Variants in FSTL5 observed in about 807,000 individuals in gnomAD.
FSTL5 encodes the protein follistatin-related protein 5.
In FSTL5, 62 loss-of-function variants were observed where a neutral mutation model predicts 89.1. That is an observed-to-expected ratio of 0.70 (90% confidence interval 0.57 to 0.86). FSTL5 has a LOEUF of 0.86. Ranked by LOEUF, FSTL5 falls within the 40% of genes least tolerant of loss-of-function variation. The pLI is 0.00. For synonymous variants in FSTL5, 383 were observed against 346.2 expected (o/e 1.11, Z -1.18); for missense variants, 1,057 against 1,001.6 (o/e 1.06, Z -0.75).
chr4:161,860,455 A>T (rs1367166955), intron 4 of FSTL5, among the ~76,000 whole-genome samples: 1 of 152,226 alleles, frequency 6.6e-6, no homozygotes, highest in Non-Finnish European at 1.5e-5. Flanking sequence ...AAGAATTCAA[A>T]GGTAATAGGT....
intron 6 of FSTL5, among the ~76,000 whole-genome samples, chr4:161,748,295 T>C (rs763265398): frequency 2.0e-5 from 3 of 152,172 alleles, no homozygotes; most frequent in African/African-American, 4.8e-5. Context: ...TGAATTACTA[T>C]GACATGTTAA....
intron 3 of FSTL5, among the ~76,000 whole-genome samples, chr4:161,962,612 T>G (rs359508): frequency 0.64 from 96,380 of 151,436 alleles, 31,670 homozygotes; most frequent in African/African-American, 0.8. Flanking sequence ...ATAGGCATTG[T>G]ATGATAGCAT....
At chr4:161,567,846 C>T (rs1732871446) in intron 8 of FSTL5, among the ~76,000 whole-genome samples, 2 of 152,040 alleles carry the variant, frequency 1.3e-5, no homozygotes, top group South Asian at 4.2e-4. Flanking sequence ...TCCCTTCAAC[C>T]CTTAAAATGA....
chr4:161,984,106 A>G (rs1308680874), intron 3 of FSTL5, among the ~76,000 whole-genome samples: 1 of 152,102 alleles, frequency 6.6e-6, no homozygotes, highest in East Asian at 1.9e-4. Flanking sequence ...AAGTTAAAAT[A>G]TTACAAAATA....
chr4:161,526,355 G>T (rs376978889), intron 10 of FSTL5, among the ~76,000 whole-genome samples: 1 of 152,066 alleles, frequency 6.6e-6, no homozygotes. Flanking sequence ...CACTATTGTA[G>T]AATGTTTCCA....
intron 8 of FSTL5, among the ~76,000 whole-genome samples, chr4:161,579,984 G>T (rs1401658459): frequency 7.2e-5 from 11 of 152,134 alleles, no homozygotes; most frequent in Middle Eastern, 6.8e-3. Context: ...AAGGGCAGAA[G>T]AATTTAATTT....
chr4:161,790,513 C>T (rs1579094944), intron 4 of FSTL5, among the ~76,000 whole-genome samples: 1 of 152,320 alleles, frequency 6.6e-6, no homozygotes, highest in East Asian at 1.9e-4. Context: ...TCTCCTTCAT[C>T]ATTTTCATAC....
chr4:161,451,373 A>C (rs150426791), intron 15 of FSTL5, among the ~76,000 whole-genome samples: 146 of 152,306 alleles, frequency 9.6e-4, no homozygotes, highest in Admixed American at 2.0e-3. Flanking sequence ...GATATGCTTA[A>C]AGACTAAAGA....
intron 2 of FSTL5, among the ~76,000 whole-genome samples, chr4:162,034,284 G>A (rs543909951): frequency 7.2e-5 from 11 of 152,188 alleles, no homozygotes; most frequent in African/African-American, 2.4e-4. Flanking sequence ...ATTAAATAAT[G>A]CCTTCAGAAT....
intron 2 of FSTL5, among the ~76,000 whole-genome samples, chr4:162,059,466 T>C (rs981637001): frequency 6.6e-6 from 1 of 152,148 alleles, no homozygotes; most frequent in Non-Finnish European, 1.5e-5. Context: ...AATTATACCA[T>C]CCTATTGGGA....
chr4:161,390,834 C>T (rs17040997), intron 15 of FSTL5, among the ~76,000 whole-genome samples: 29,457 of 151,984 alleles, frequency 0.19, 3,464 homozygotes, highest in Middle Eastern at 0.32. Flanking sequence ...GTCCTTAGAA[C>T]TTCTCATCTC....
chr4:162,023,682 G>A (rs1347605641), intron 3 of FSTL5, among the ~76,000 whole-genome samples: 1 of 152,112 alleles, frequency 6.6e-6, no homozygotes, highest in Non-Finnish European at 1.5e-5. Flanking sequence ...GATTTATTAA[G>A]GGATGTAGAA....
chr4:161,454,082 T>C (rs1733266183), intron 15 of FSTL5, among the ~76,000 whole-genome samples: 1 of 152,226 alleles, frequency 6.6e-6, no homozygotes, highest in Non-Finnish European at 1.5e-5. Flanking sequence ...TTTGCAAAGT[T>C]GAATTATGCA....
intron 4 of FSTL5, among the ~76,000 whole-genome samples, chr4:161,833,834 C>T (rs1424622839): frequency 2.6e-5 from 4 of 151,728 alleles, no homozygotes; most frequent in Non-Finnish European, 5.9e-5. Context: ...ACTCTTTATC[C>T]AATTTGCCAG....
intron 14 of FSTL5, 21 bp from the exon 15 acceptor site, chr4:161,455,149 T>C (rs1193175825): frequency 6.4e-7 from 1 of 1,572,746 alleles, no homozygotes; most frequent in Admixed American, 1.9e-5. Context: ...CACACCTTGG[T>C]TAGACCTCAA....
chr4:161,468,192 C>A (rs1733810995), intron 13 of FSTL5, among the ~76,000 whole-genome samples: 2 of 152,000 alleles, frequency 1.3e-5, no homozygotes, highest in African/African-American at 4.8e-5. Flanking sequence ...AGTGAGCGAC[C>A]CCCACTACAT....
intron 1 of FSTL5, among the ~76,000 whole-genome samples, chr4:162,156,844 A>G (rs1322205316): frequency 6.6e-6 from 1 of 152,176 alleles, no homozygotes; most frequent in African/African-American, 2.4e-5. Flanking sequence ...CCTCAGCATC[A>G]GGGAATATAT....
chr4:161,776,770 T>A (rs184709708), intron 4 of FSTL5, among the ~76,000 whole-genome samples: 1 of 152,020 alleles, frequency 6.6e-6, no homozygotes. Flanking sequence ...TATTTATGGG[T>A]TACATGTGGT....
At chr4:161,806,901 T>C (rs889644274) in intron 4 of FSTL5, among the ~76,000 whole-genome samples, 2 of 151,866 alleles carry the variant, frequency 1.3e-5, no homozygotes, top group African/African-American at 4.8e-5. Flanking sequence ...AATAGACAGA[T>C]AGATAGATAC....
Sources: gnomAD v4.1 joint callset for allele counts (sites outside exome capture counted in the v4.1 genomes callset) on GRCh38, gnomAD v4.1.1 for gene constraint, MANE v1.5 for transcripts, NCBI Gene and HGNC (gene_info 2026-07-23, HGNC 2026-07-21) for gene names.